Variants in QRFPR observed in about 807,000 individuals in gnomAD.
QRFPR encodes pyroglutamylated RFamide peptide receptor.
QRFPR carries 37 observed loss-of-function variants against 31.3 expected under a neutral mutation model. The observed-to-expected ratio is 1.18, with a 90% CI of 0.91 to 1.56. The LOEUF (loss-of-function observed/expected upper bound fraction) is 1.56, where lower values mean the gene tolerates loss of function less well. Ranked by LOEUF, QRFPR falls within the 40% of genes most tolerant of loss-of-function variation. The pLI, the probability that QRFPR is intolerant of heterozygous loss-of-function variation, is 0.00. For synonymous variants in QRFPR, 197 were observed against 192.0 expected (o/e 1.03, Z -0.22); for missense variants, 542 against 532.5 (o/e 1.02, Z -0.18).
At chr4:121,354,480 A>G (rs1407672240) in intron 1 of QRFPR, among the ~76,000 whole-genome samples, 1 of 151,930 alleles carries the variant, frequency 6.6e-6, no homozygotes, top group Non-Finnish European at 1.5e-5. Context: ...TTTAAATTTC[A>G]GATCATATCA....
At chr4:121,378,416 T>C (rs990700231) in intron 1 of QRFPR, among the ~76,000 whole-genome samples, 6 of 146,508 alleles carry the variant, frequency 4.1e-5, no homozygotes, top group African/African-American at 1.5e-4. Flanking sequence ...ACTTTTTTTT[T>C]TTTTTTTTTT....
rs1726405589 is a variant in QRFPR at position 121,378,636 on chromosome 4, A to G, written c.340+1672T>C. 2.0e-5 allele frequency among the ~76,000 whole-genome samples: 3 copies of G among 151,738 alleles called. No individual in the cohort carries two copies. In the South Asian group the frequency reaches 6.2e-4, roughly 32 times the overall value. On this transcript the variant is annotated intron_variant, in intron 1 of 5. Coordinates refer to ENST00000394427, the MANE Select transcript of QRFPR (RefSeq NM_198179.3). The stretch of plus-strand genomic sequence containing the variant: ...GACGGGGTTTCACCGTGTTAGCCAG[A>G]ATGGTCTCGATCTCATGACCTCGTG...
At chr4:121,379,174 T>C (rs551897066) in intron 1 of QRFPR, among the ~76,000 whole-genome samples, 1 of 152,334 alleles carries the variant, frequency 6.6e-6, no homozygotes, top group East Asian at 1.9e-4. Flanking sequence ...AATGCTTTTT[T>C]GAAAATATTT....
intron 4 of QRFPR, among the ~76,000 whole-genome samples, chr4:121,331,665 A>G (rs1579566725): frequency 7.1e-6 from 1 of 141,642 alleles, no homozygotes; most frequent in South Asian, 2.2e-4. Flanking sequence ...TATTGTTATT[A>G]TTATGGAGAT....
chr4:121,355,367 A>G (rs1450945206), intron 1 of QRFPR, among the ~76,000 whole-genome samples: 1 of 152,078 alleles, frequency 6.6e-6, no homozygotes, highest in Non-Finnish European at 1.5e-5. Context: ...ACAGTTTCTC[A>G]TAACAGTCTC....
intron 1 of QRFPR, among the ~76,000 whole-genome samples, chr4:121,361,874 C>A (rs984807230): frequency 6.0e-5 from 9 of 150,360 alleles, no homozygotes; most frequent in African/African-American, 2.0e-4. Flanking sequence ...ACGGCCTCTT[C>A]CTTCCTTTGC....
intron 1 of QRFPR, among the ~76,000 whole-genome samples, chr4:121,348,598 G>A (rs1181576275): frequency 4.0e-5 from 6 of 151,480 alleles, no homozygotes; most frequent in African/African-American, 1.5e-4. Flanking sequence ...CCTATATTTT[G>A]CATAATATTT....
At chr4:121,331,621 TC>T (rs1280039642) in intron 4 of QRFPR, among the ~76,000 whole-genome samples, 1 of 97,990 alleles carries the variant, frequency 1.0e-5, no homozygotes, top group Non-Finnish European at 2.2e-5. Context: ...ACTCATTATC[TC>T]ATTATTATTA....
chr4:121,346,743 T>C (rs1370518342), intron 1 of QRFPR, among the ~76,000 whole-genome samples: 1 of 152,196 alleles, frequency 6.6e-6, no homozygotes, highest in East Asian at 1.9e-4. Context: ...TTGTCATGGA[T>C]GGGTGTTGAA....
At chr4:121,330,907 A>G (rs62319016) in intron 4 of QRFPR, among the ~76,000 whole-genome samples, 11,342 of 152,206 alleles carry the variant, frequency 0.075, 522 homozygotes, top group Non-Finnish European at 0.097. Context: ...TGTGACTTCA[A>G]TATGAAGCTC....
In QRFPR at chr4:121,332,662, T is replaced by C. The variant is rs927331489; in HGVS notation, c.797+159A>G. 3.3e-5 allele frequency among the ~76,000 whole-genome samples: 5 copies of C among 152,362 alleles called. No homozygotes were observed. In the South Asian group the frequency reaches 1.0e-3, roughly 32 times the overall value. On this transcript the variant is annotated intron_variant, in intron 4 of 5. Coordinates refer to ENST00000394427, the MANE Select transcript of QRFPR (RefSeq NM_198179.3). ...TCTTGTTGTTTCTTTCAGACACATG[T>C]AAAACTTCAAGAGTTTAAAATCAGT...
At chr4:121,342,974 G>C (rs992129600) in intron 1 of QRFPR, among the ~76,000 whole-genome samples, 1 of 152,132 alleles carries the variant, frequency 6.6e-6, no homozygotes. Context: ...TGTCACTCCT[G>C]TCTTTCCTAG....
At chr4:121,334,465 T>C (rs537597447) in intron 3 of QRFPR, 1 of 164,226 alleles carries the variant, frequency 6.1e-6, no homozygotes, top group African/African-American at 2.4e-5. Context: ...AGAAATCACA[T>C]CTCTCACCCA....
rs745440449 is a variant in QRFPR, at chr4:121,380,582, C to T, written c.66G>A (p.Arg22=). ...GCCGGTACAGAGCGATGAACTGCTCCCGCGTCAGGTTGTGGTCCCGCAGCA... is the reference window on the plus strand; with the variant it reads ...GCCGGTACAGAGCGATGAACTGCTCTCGCGTCAGGTTGTGGTCCCGCAGCA... ...SRLLRDHNLT[R]EQFIALYRLR... The change falls in exon 1 of 6, where the codon CGG becomes CGA. Residue 22 remains arginine (R), a synonymous_variant. Transcript: ENST00000394427. The T allele has an allele frequency of 6.2e-7, 1 of 1,607,214 alleles. No homozygotes were observed. The highest frequency in any genetic ancestry group is 8.5e-7 in the Non-Finnish European group (1 of 1,176,266).
intron 1 of QRFPR, among the ~76,000 whole-genome samples, chr4:121,352,631 G>T (rs1725784704): frequency 6.6e-6 from 1 of 151,962 alleles, no homozygotes; most frequent in Admixed American, 6.6e-5. Flanking sequence ...AGGTACATGT[G>T]ATGTTTTGAT....
At chr4:121,380,186 G>GGAGAGAGAGAGAGAGAGAGAGAGA in intron 1 of QRFPR, 122 bp downstream of exon 1, 16 of 234,830 alleles carry the variant, frequency 6.8e-5, no homozygotes, top group Middle Eastern at 9.7e-4. Flanking sequence ...AGACGAGAGA[G>GGAGAGAGAGAGAGAGAGAGAGAGA]GAGAGAGAGA....
At chr4:121,341,585 A>G (rs912892425) in intron 1 of QRFPR, among the ~76,000 whole-genome samples, 1 of 152,204 alleles carries the variant, frequency 6.6e-6, no homozygotes. Flanking sequence ...AAAATTCCGC[A>G]TCTTCCCTCA....
chr4:121,356,408 C>A (rs1165239828), intron 1 of QRFPR, among the ~76,000 whole-genome samples: 2 of 152,160 alleles, frequency 1.3e-5, no homozygotes, highest in African/African-American at 4.8e-5. Flanking sequence ...CACTCCAGGA[C>A]TGGTCACTGG....
At chr4:121,365,510 A>ATATATAT (rs1560743396) in intron 1 of QRFPR, among the ~76,000 whole-genome samples, 52 of 2,724 alleles carry the variant, frequency 0.019, 7 homozygotes, top group Non-Finnish European at 0.021. Context: ...AATATATATA[A>ATATATAT]TATATATTAT....
Sources: gnomAD v4.1 joint callset for allele counts (sites outside exome capture counted in the v4.1 genomes callset) on GRCh38, gnomAD v4.1.1 for gene constraint, MANE v1.5 for transcripts, NCBI Gene and HGNC (gene_info 2026-07-23, HGNC 2026-07-21) for gene names.